The following ZNF677 variants were observed in gnomAD, a reference collection of about 807,000 sequenced individuals.
ZNF677 encodes hypothetical protein MGC48625.
A neutral mutation model predicts 8.1 loss-of-function variants in ZNF677; 5 were observed. The ratio of observed to expected loss-of-function variants is 0.62; its 90% confidence interval spans 0.32 to 1.29. The LOEUF (loss-of-function observed/expected upper bound fraction) is 1.29. ZNF677 is among the 50% of genes most tolerant of loss of function. The pLI is 0.05. For missense variants in ZNF677, 685 were observed against 685.9 expected (o/e 1.00, Z 0.01); for synonymous variants, 221 against 225.6 (o/e 0.98, Z 0.18).
Position 53,237,574 on chromosome 19 carries a change from CA to C in ZNF677, c.1152del (p.Phe384LeufsTer229), listed in dbSNP as rs1196876631. The C allele has an allele frequency of 6.2e-7, 1 of 1,610,290 alleles. No homozygotes were observed. The highest frequency in any genetic ancestry group is 8.5e-7 in the Non-Finnish European group (1 of 1,178,778). ...PYKCNECDKA[F>X]AERSSLTQHK... ...TGTTGGGTAAGGCTTGAACGTTCAG[CA>C]AAGGCTTTGTCACATTCATTACATT... On this transcript the variant is annotated frameshift_variant, in exon 5 of 5. Coordinates refer to ENST00000598513, the MANE Select transcript of ZNF677 (RefSeq NM_182609.4). LOFTEE classifies it low-confidence loss of function (END_TRUNC).
chr19:53,247,268 T>C (rs2091159477), intron 3 of ZNF677, among the ~76,000 whole-genome samples: 1 of 152,128 alleles, frequency 6.6e-6, no homozygotes, highest in Non-Finnish European at 1.5e-5. Flanking sequence ...CCGTGCTTGT[T>C]TGGTGTAGTT....
chr19:53,240,870 A>G (rs985502056), intron 4 of ZNF677: 6 of 152,156 alleles, frequency 3.9e-5, no homozygotes, highest in African/African-American at 1.4e-4. Flanking sequence ...AGGTTTATCA[A>G]TTTTAACAAA....
intron 1 of ZNF677, 24 bp downstream of exon 1, chr19:53,254,810 T>G (rs375672890): frequency 3.3e-5 from 5 of 152,514 alleles, no homozygotes; most frequent in East Asian, 3.9e-4. Flanking sequence ...GGCGCAGGCT[T>G]GAACCCGAAA....
In ZNF677 at chr19:53,238,483, T is replaced by A; in HGVS notation, c.244A>T (p.Ile82Leu). 6.2e-7 allele frequency: 1 copy of A among 1,611,794 alleles called. No homozygotes were observed. Among genetic ancestry groups the A allele is most frequent in the Non-Finnish European group, 8.5e-7 (1 of 1,179,480 alleles). ...CCATGGCTTTCCTTTCTTTCTAATA[T>A]CACCAGATGGTATAATTCCTCTTTA... Reference protein sequence around the residue: ...NNKEELYHLVILERKESHGIN... With the variant: ...NNKEELYHLVLLERKESHGIN... The change falls in exon 5 of 5, where the codon ATA becomes TTA. Residue 82 changes from isoleucine (I) to leucine (L), a missense_variant. Physicochemically the swap from Ile to Leu is conservative, Grantham distance 5. Transcript: ENST00000598513.
intron 3 of ZNF677, among the ~76,000 whole-genome samples, chr19:53,245,363 T>C (rs1226512369): frequency 1.3e-5 from 2 of 152,018 alleles, no homozygotes; most frequent in South Asian, 2.1e-4. Flanking sequence ...GGGAAAATAT[T>C]TGCAAACTAT....
chr19:53,252,181 G>T (rs2091245821), intron 2 of ZNF677, among the ~76,000 whole-genome samples: 1 of 152,180 alleles, frequency 6.6e-6, no homozygotes. Flanking sequence ...CCCTTTCCTA[G>T]TAGTTTCCAT....
intron 3 of ZNF677, among the ~76,000 whole-genome samples, chr19:53,246,053 T>C (rs968188360): frequency 6.6e-6 from 1 of 151,726 alleles, no homozygotes; most frequent in East Asian, 1.9e-4. Flanking sequence ...GTGCAGTGGC[T>C]CACGCCTGTA....
rs2091056163 is a variant in ZNF677 at position 53,241,940 on chromosome 19, T to C, written c.169+1804A>G. The C allele has an allele frequency of 1.0e-5, 4 of 397,188 alleles. No homozygotes were observed. In the East Asian group the frequency reaches 1.4e-4, roughly 14 times the overall value. 24.6% of individuals were successfully genotyped at this position (397,188 alleles called of 1,614,324 possible). A position where few individuals can be genotyped will look rare whatever the true frequency, so the allele number is the denominator to read the frequency against. Reference sequence around the variant, plus strand: ...AATGTGTACTTTTCTTTTTCTTTTTTTTTTTTTCGAGATGGAGTTTTGCTC... The same window carrying C: ...AATGTGTACTTTTCTTTTTCTTTTTCTTTTTTTCGAGATGGAGTTTTGCTC... On this transcript the variant is annotated intron_variant, in intron 4 of 4. Transcript: ENST00000598513.
intron 4 of ZNF677, chr19:53,243,105 T>C (rs1361208924): frequency 6.6e-6 from 1 of 152,438 alleles, no homozygotes; most frequent in Non-Finnish European, 1.5e-5. Context: ...CTCAATGGAG[T>C]AGCTTACTCT....
At position 53,237,733 on chromosome 19, in the gene ZNF677, A is replaced by C. The variant is rs752638476; in HGVS notation, c.994T>G (p.Ser332Ala). The C allele has an allele frequency of 1.9e-6, 3 of 1,613,778 alleles. No homozygotes were observed. The highest frequency in any genetic ancestry group is 2.5e-6 in the Non-Finnish European group (3 of 1,179,866). Residue 332 changes from serine (S) to alanine (A), a missense_variant, in exon 5 of 5, where the codon TCA (serine) becomes GCA (alanine). Physicochemically the swap from Ser to Ala is moderately conservative, Grantham distance 99 (BLOSUM62 1). Coordinates refer to ENST00000598513, the MANE Select transcript of ZNF677 (RefSeq NM_182609.4). ...ATCCTCTGATGACTTGCAAGATTTG[A>C]ATTTTGACTACAGACCTTGCCACAT... ...NICGKVCSQNSNLASHQRMHT... is the reference protein window; with the variant it reads ...NICGKVCSQNANLASHQRMHT...
At chr19:53,246,325 A>AAAAAAAAAAAG in intron 3 of ZNF677, among the ~76,000 whole-genome samples, 1 of 151,326 alleles carries the variant, frequency 6.6e-6, no homozygotes. Context: ...CCCAAAAAAA[A>AAAAAAAAAAAG]AGCGACCATG....
In ZNF677 at chr19:53,235,656, C is replaced by T. The variant is rs1035899863; in HGVS notation, c.*1316G>A. ...ATCATTCCCCCTCCATTTCTTTCTA[C>T]CACATATGCAGTCTCTAGTAACCGA... On this transcript the variant is annotated 3_prime_UTR_variant, in exon 5 of 5. Transcript: ENST00000598513. 6.6e-6 allele frequency: 1 copy of T among 152,078 alleles called. No homozygotes were observed. The highest frequency in any genetic ancestry group is 2.4e-5 in the African/African-American group (1 of 41,398). 9.4% of individuals were successfully genotyped at this position (152,078 alleles called of 1,614,324 possible). A position where few individuals can be genotyped will look rare whatever the true frequency, so the allele number is the denominator to read the frequency against.
In ZNF677 at chr19:53,243,392, G is replaced by A. The variant is rs763738825; in HGVS notation, c.169+352C>T. ...AAAACAATTTCATAAATTAGTCAAC[G>A]GACTGCCTTCTTCTGAATGCTTAGG... On this transcript the variant is annotated intron_variant, in intron 4 of 4. Coordinates refer to ENST00000598513, the MANE Select transcript of ZNF677 (RefSeq NM_182609.4). 2.5e-5 allele frequency: 9 copies of A among 363,366 alleles called. No individual in the cohort carries two copies. In the Admixed American group the frequency reaches 3.4e-4, roughly 14 times the overall value. 22.5% of individuals were successfully genotyped at this position (363,366 alleles called of 1,614,324 possible). A position where few individuals can be genotyped will look rare whatever the true frequency, so the allele number is the denominator to read the frequency against.
At chr19:53,249,089 G>A (rs1481023481) in intron 3 of ZNF677, 6 of 151,970 alleles carry the variant, frequency 3.9e-5, no homozygotes, top group South Asian at 4.2e-4. Flanking sequence ...AAATTTTCAC[G>A]TTATACTTTT....
intron 4 of ZNF677, chr19:53,239,611 A>G (rs962818638): frequency 6.6e-6 from 1 of 152,180 alleles, no homozygotes; most frequent in Admixed American, 6.5e-5. Context: ...ATGAAAAAAA[A>G]AATTACAAAA....
chr19:53,237,392 A>T lies in ZNF677; in HGVS notation c.1335T>A (p.Ser445Arg). ...TGTGAATTCTCTGATGTTCCACAAGACTTGAACTTTGGATAAAAGCCCTGC... is the reference window on the plus strand; with the variant it reads ...TGTGAATTCTCTGATGTTCCACAAGTCTTGAACTTTGGATAAAAGCCCTGC... ...VCGRAFIQSS[S>R]LVEHQRIHTG... Residue 445 changes from serine to arginine, a missense_variant, in exon 5 of 5, where the codon AGT (serine) becomes AGA (arginine). Physicochemically the swap from Ser to Arg is moderately radical, Grantham distance 110. Coordinates refer to ENST00000598513, the MANE Select transcript of ZNF677 (RefSeq NM_182609.4). 6.2e-7 allele frequency: 1 copy of T among 1,613,786 alleles called. No homozygotes were observed.
At chr19:53,243,183 A>C (rs1265627688) in intron 4 of ZNF677, 4 of 153,188 alleles carry the variant, frequency 2.6e-5, no homozygotes, top group African/African-American at 9.7e-5. Context: ...TTTTCACTTC[A>C]CTTTCCATAG....
intron 4 of ZNF677, chr19:53,241,658 CAGA>C (rs2091051369): frequency 5.2e-6 from 2 of 386,668 alleles, no homozygotes; most frequent in African/African-American, 4.1e-5. Flanking sequence ...CCACAGAAAC[CAGA>C]AGGTCAGAAG....
chr19:53,236,848 G>T lies in ZNF677; in HGVS notation c.*124C>A. On this transcript the variant is annotated 3_prime_UTR_variant, in exon 5 of 5. Coordinates refer to ENST00000598513, the MANE Select transcript of ZNF677 (RefSeq NM_182609.4). Reference sequence around the variant, plus strand: ...ACTTTGGATAAGCCTTGCCATACATGTTATCTTTGTGTGGTTTATCTCAAA... The same window carrying T: ...ACTTTGGATAAGCCTTGCCATACATTTTATCTTTGTGTGGTTTATCTCAAA... 1 of 879,102 alleles carries T rather than the reference G, an allele frequency of 1.1e-6. No individual in the cohort carries two copies. Among genetic ancestry groups the T allele is most frequent in the Non-Finnish European group, 1.6e-6 (1 of 608,176 alleles). 54.5% of individuals were successfully genotyped at this position (879,102 alleles called of 1,614,324 possible).
Sources: gnomAD v4.1 joint callset for allele counts (sites outside exome capture counted in the v4.1 genomes callset) on GRCh38, gnomAD v4.1.1 for gene constraint, MANE v1.5 for transcripts, NCBI Gene and HGNC (gene_info 2026-07-23, HGNC 2026-07-21) for gene names.